NLRC4: variants seen among roughly 807,000 people sequenced by gnomAD.
NLRC4 encodes the protein NLR family CARD domain containing 4.
In NLRC4, 63 loss-of-function variants were observed where a neutral mutation model predicts 79.9. That is an observed-to-expected ratio of 0.79 (90% CI 0.64 to 0.97). The LOEUF is 0.97. Among genes scored for constraint, NLRC4 ranks in the 50% least tolerant of loss-of-function variants. The pLI is 0.00. For synonymous variants in NLRC4, 461 were observed against 456.5 expected (o/e 1.01, Z -0.12); for missense variants, 1,074 against 1,215.2 (o/e 0.88, Z 1.73).
rs1419970991 is a variant in NLRC4, at chr2:32,233,573, T to C, written c.2782+1828A>G. Among the ~76,000 whole-genome samples, 4 of 152,010 alleles carry C rather than the reference T, an allele frequency of 2.6e-5. No individual in the cohort carries two copies. In the South Asian group the frequency reaches 8.3e-4, roughly 32 times the overall value. On this transcript the variant is annotated intron_variant, in intron 8 of 8. Coordinates refer to ENST00000402280, the MANE Select transcript of NLRC4 (RefSeq NM_001199138.2). ...TCCAGAGCATGTTGTTTAATTTCCA[T>C]ATGTTTGTATAGTTTCCAAAGTTCC...
intron 5 of NLRC4, 130 bp downstream of exon 5, chr2:32,240,903 G>C: frequency 1.6e-6 from 1 of 609,860 alleles, no homozygotes; most frequent in Non-Finnish European, 2.9e-6. Flanking sequence ...AATGTCTGGG[G>C]AAACCAATGT....
chr2:32,264,417 G>C (rs1400769498), intron 1 of NLRC4, among the ~76,000 whole-genome samples: 1 of 142,698 alleles, frequency 7.0e-6, no homozygotes, highest in East Asian at 2.0e-4. Flanking sequence ...CTGGGTGACA[G>C]AGCAAGACTC....
rs771717379 is a variant in NLRC4, at chr2:32,256,891, A to G, written c.-116T>C. The G allele has an allele frequency of 1.9e-5, 13 of 686,234 alleles. No individual in the cohort carries two copies. The highest frequency in any genetic ancestry group is 3.5e-5 in the Non-Finnish European group (13 of 369,632). 42.5% of individuals were successfully genotyped at this position (686,234 alleles called of 1,614,324 possible). A position where few individuals can be genotyped will look rare whatever the true frequency, so the allele number is the denominator to read the frequency against. ...TCTTTTTTCTGTAAAACTACTCTTC[A>G]TTCTGTAAAACAAACAAAACAGAAC... On this transcript the variant is annotated splice_region_variant and 5_prime_UTR_variant, in exon 2 of 9. It removes an upstream start codon present in the reference 5' UTR. Coordinates refer to ENST00000402280, the MANE Select transcript of NLRC4 (RefSeq NM_001199138.2).
At chr2:32,241,245 A>G in intron 4 of NLRC4, 120 bp from the exon 5 acceptor site, 1 of 664,232 alleles carries the variant, frequency 1.5e-6, no homozygotes, top group East Asian at 2.8e-5. Context: ...TGAGCCAAAA[A>G]TGCTCATGAA....
intron 8 of NLRC4, among the ~76,000 whole-genome samples, chr2:32,232,157 C>A (rs1403675155): frequency 6.6e-6 from 1 of 152,162 alleles, no homozygotes; most frequent in Non-Finnish European, 1.5e-5. Flanking sequence ...ATACTATCAA[C>A]ATGAATCACC....
At chr2:32,231,268 C>T (rs1445149685) in intron 8 of NLRC4, among the ~76,000 whole-genome samples, 10 of 152,254 alleles carry the variant, frequency 6.6e-5, no homozygotes, top group Non-Finnish European at 5.9e-5. Context: ...AATTCTTCTG[C>T]CTCAGCCTCC....
At chr2:32,252,305 A>G in intron 3 of NLRC4, 114 bp downstream of exon 3, 1 of 759,398 alleles carries the variant, frequency 1.3e-6, no homozygotes, top group Non-Finnish European at 2.2e-6. Flanking sequence ...ATCAAAGGCC[A>G]CTGCCAGGTG....
chr2:32,229,941 TGAAG>T (rs1295255605), intron 8 of NLRC4, among the ~76,000 whole-genome samples: 1 of 152,104 alleles, frequency 6.6e-6, no homozygotes, highest in Non-Finnish European at 1.5e-5. Flanking sequence ...GCTTTTACCT[TGAAG>T]GAGAGGAGAG....
intron 4 of NLRC4, among the ~76,000 whole-genome samples, chr2:32,248,224 T>C (rs973686196): frequency 6.6e-6 from 1 of 152,176 alleles, no homozygotes; most frequent in African/African-American, 2.4e-5. Context: ...CCAGTCTTGA[T>C]TATAGCTGTA....
At chr2:32,256,216 T>G (rs923943033) in intron 2 of NLRC4, among the ~76,000 whole-genome samples, 12 of 152,192 alleles carry the variant, frequency 7.9e-5, no homozygotes, top group African/African-American at 2.7e-4. Context: ...TCAATAGAAC[T>G]TTCTGTGATA....
chr2:32,246,193 A>G (rs1050709438), intron 4 of NLRC4, among the ~76,000 whole-genome samples: 1 of 152,204 alleles, frequency 6.6e-6, no homozygotes, highest in African/African-American at 2.4e-5. Flanking sequence ...CAAAAAAATA[A>G]TAATTAAATA....
At chr2:32,248,413 A>T (rs1558455632) in intron 4 of NLRC4, among the ~76,000 whole-genome samples, 2 of 152,224 alleles carry the variant, frequency 1.3e-5, no homozygotes, top group Non-Finnish European at 2.9e-5. Context: ...GTTGACATAG[A>T]GATCATAAGA....
chr2:32,249,578 A>G (rs984982679), intron 4 of NLRC4, 29 bp downstream of exon 4: 1 of 1,496,684 alleles, frequency 6.7e-7, no homozygotes, highest in African/African-American at 1.4e-5. Context: ...TTAAGTGAAC[A>G]AAGCACAAAC....
rs1463109626 is a variant in NLRC4, at chr2:32,253,339, G to A, written c.2-660C>T. On this transcript the variant is annotated intron_variant, in intron 2 of 8. Coordinates refer to ENST00000402280, the MANE Select transcript of NLRC4 (RefSeq NM_001199138.2). ...TAATTTTTCTATTATTTGTAGAGACGGGGTTTCACCATTTTGGTCAGACTG... is the reference window on the plus strand; with the variant it reads ...TAATTTTTCTATTATTTGTAGAGACAGGGTTTCACCATTTTGGTCAGACTG... Among the ~76,000 whole-genome samples, 4 of 151,740 alleles carry A rather than the reference G, an allele frequency of 2.6e-5. No individual in the cohort carries two copies. In the East Asian group the frequency reaches 6.1e-4, roughly 23 times the overall value.
Position 32,245,323 on chromosome 2 carries a change from A to C in NLRC4, c.2258-4198T>G, listed in dbSNP as rs560185256. Among the ~76,000 whole-genome samples, 182 of 151,552 alleles carry C rather than the reference A, an allele frequency of 1.2e-3. 1 individual carries two copies. The South Asian group carries it at 0.02, about 17-fold the overall frequency. Reference sequence around the variant, plus strand: ...GAGACTCCTTCTCAAAAAAAAAAAAAAAAAAAAAAACAGATGAATAGAGGT... The same window carrying C: ...GAGACTCCTTCTCAAAAAAAAAAAACAAAAAAAAAACAGATGAATAGAGGT... On this transcript the variant is annotated intron_variant, in intron 4 of 8. Coordinates refer to ENST00000402280, the MANE Select transcript of NLRC4 (RefSeq NM_001199138.2).
At chr2:32,244,484 A>G (rs1006190247) in intron 4 of NLRC4, among the ~76,000 whole-genome samples, 2 of 152,158 alleles carry the variant, frequency 1.3e-5, no homozygotes, top group South Asian at 2.1e-4. Flanking sequence ...GAACAAGGCA[A>G]GATGTTAATT....
At chr2:32,262,038 G>A (rs1306867416) in intron 1 of NLRC4, among the ~76,000 whole-genome samples, 2 of 151,968 alleles carry the variant, frequency 1.3e-5, no homozygotes, top group Non-Finnish European at 2.9e-5. Flanking sequence ...CCGAGATTGC[G>A]CCACTGCACT....
chr2:32,250,181 T>A lies in NLRC4; in HGVS notation c.1683A>T (p.Leu561Phe). Residue 561 changes from leucine to phenylalanine, a missense_variant, in exon 4 of 9, where the codon TTA becomes TTT. By Grantham distance (22) the Leu-to-Phe change is conservative. Transcript: ENST00000402280. The surrounding 1 kb of genome is among the most constrained non-coding windows in gnomAD (Gnocchi z 4.9). ...CTGATTTGGATGTACTCTCTTGATA[T>A]AAATGGATGCCACACTCTACAAAGG... ...INSFVECGIHLYQESTSKSAL... is the reference protein window; with the variant it reads ...INSFVECGIHFYQESTSKSAL... 1.9e-6 allele frequency: 3 copies of A among 1,614,254 alleles called. No individual in the cohort carries two copies. Among genetic ancestry groups the A allele is most frequent in the Non-Finnish European group, 2.5e-6 (3 of 1,180,040 alleles).
intron 8 of NLRC4, among the ~76,000 whole-genome samples, chr2:32,225,168 C>T (rs1486252682): frequency 6.6e-6 from 1 of 152,120 alleles, no homozygotes; most frequent in Non-Finnish European, 1.5e-5. Flanking sequence ...TAAACACCAC[C>T]TAACTGTTGT....
Sources: allele counts gnomAD v4.1 joint callset (sites outside exome capture counted in the v4.1 genomes callset), GRCh38; gene constraint gnomAD v4.1.1; non-coding constraint Gnocchi (gnomAD v3.1); transcripts MANE v1.5; gene names NCBI Gene and HGNC (gene_info 2026-07-23, HGNC 2026-07-21).